Variants in LGI1 observed in about 807,000 individuals in gnomAD.
The protein encoded by LGI1 is leucine-rich glioma-inactivated protein 1.
A neutral mutation model predicts 57.7 loss-of-function variants in LGI1; 11 were observed. The ratio of observed to expected loss-of-function variants is 0.19; its 90% CI spans 0.12 to 0.32. LGI1 has a LOEUF of 0.32. Among genes scored for constraint, LGI1 ranks in the 10% least tolerant of loss-of-function variants. The pLI is 1.00. For missense variants in LGI1, 422 were observed against 661.9 expected (o/e 0.64, Z 3.98); for synonymous variants, 222 against 241.9 (o/e 0.92, Z 0.76).
Position 93,757,989 on chromosome 10 carries a change from A to G in LGI1, c.-156A>G. On this transcript the variant is annotated 5_prime_UTR_variant, in exon 1 of 8. Transcript: ENST00000371418. ...GCAGTGCATTGCTGGAGCGAGGAGA[A>G]GCTCACGAATCAGCTGCAGGTCTCT... 1 of 712,194 alleles carries G rather than the reference A, an allele frequency of 1.4e-6. No individual in the cohort carries two copies. The highest frequency in any genetic ancestry group is 2.5e-6 in the Non-Finnish European group (1 of 398,770). The allele number at this position is 712,194 out of a possible 1,614,324, so 44.1% of individuals were successfully genotyped here. A position where few individuals can be genotyped will look rare whatever the true frequency, so the allele number is the denominator to read the frequency against.
intron 2 of LGI1, chr10:93,771,725 C>T (rs2059743303): frequency 6.6e-6 from 1 of 152,042 alleles, no homozygotes; most frequent in Non-Finnish European, 1.5e-5. Context: ...GCCTGTAATC[C>T]CAGCACTTGG....
intron 4 of LGI1, among the ~76,000 whole-genome samples, chr10:93,783,362 C>T (rs1204042578): frequency 5.3e-5 from 8 of 152,012 alleles, no homozygotes; most frequent in African/African-American, 1.4e-4. Context: ...GGTGACAGAG[C>T]GAGACTCCGT....
intron 4 of LGI1, chr10:93,789,872 C>T (rs1314915865): frequency 1.4e-5 from 7 of 513,602 alleles, no homozygotes; most frequent in African/African-American, 9.7e-5. Context: ...ACTTTTGTCT[C>T]AAGAAATAAA....
At position 93,758,556 on chromosome 10, in the gene LGI1, C is replaced by G; in HGVS notation, c.215+197C>G. On this transcript the variant is annotated intron_variant, in intron 1 of 7. Transcript: ENST00000371418. This position sits in a 1 kb window ranked among gnomAD's most constrained non-coding sequence, Gnocchi z 4.7. Reference sequence around the variant, plus strand: ...CTGCTACTGAACATGCTTAGATACCCCCAGCCCTGAACATTATCATGAGAA... The same window carrying G: ...CTGCTACTGAACATGCTTAGATACCGCCAGCCCTGAACATTATCATGAGAA... 2.9e-6 allele frequency: 2 copies of G among 700,298 alleles called. No individual in the cohort carries two copies. Among genetic ancestry groups the G allele is most frequent in the East Asian group, 2.7e-5 (1 of 37,288 alleles). The allele number at this position is 700,298 out of a possible 1,614,324, so 43.4% of individuals were successfully genotyped here.
chr10:93,760,215 G>C (rs980250941), intron 2 of LGI1, among the ~76,000 whole-genome samples: 1 of 152,184 alleles, frequency 6.6e-6, no homozygotes, highest in Non-Finnish European at 1.5e-5. Flanking sequence ...ATTAGCAATT[G>C]ACTAGATATT....
chr10:93,791,430 C>T (rs1161506295), intron 5 of LGI1: 7 of 151,944 alleles, frequency 4.6e-5, no homozygotes, highest in African/African-American at 1.5e-4. Flanking sequence ...AAAGACAAAA[C>T]AAAAAAATAT....
chr10:93,778,926 G>A (rs572203878), intron 4 of LGI1: 1 of 152,240 alleles, frequency 6.6e-6, no homozygotes, highest in East Asian at 1.9e-4. Flanking sequence ...TTGTTTTGTA[G>A]CAAAGAGAAG....
chr10:93,776,916 T>C (rs1432464705), intron 2 of LGI1: 2 of 205,752 alleles, frequency 9.7e-6, no homozygotes, highest in African/African-American at 4.7e-5. Flanking sequence ...GCCTGTCTGT[T>C]ACGAGATGTC....
At chr10:93,769,328 C>T (rs2059711093) in intron 2 of LGI1, 1 of 152,182 alleles carries the variant, frequency 6.6e-6, no homozygotes, top group Non-Finnish European at 1.5e-5. Context: ...CAAATAAACC[C>T]ATGTTCACTT....
At chr10:93,759,640 T>C (rs1403747965) in intron 2 of LGI1, among the ~76,000 whole-genome samples, 1 of 152,190 alleles carries the variant, frequency 6.6e-6, no homozygotes, top group African/African-American at 2.4e-5. Context: ...GTCGCAGACT[T>C]GGTTTGTAGC....
intron 5 of LGI1, chr10:93,791,923 G>A (rs1483849405): frequency 6.6e-6 from 1 of 152,152 alleles, no homozygotes; most frequent in Non-Finnish European, 1.5e-5. Context: ...AAAGCAAATA[G>A]CTCACTTGAT....
intron 2 of LGI1, 44 bp from the exon 3 acceptor site, chr10:93,777,335 A>G (rs758661142): frequency 1.3e-6 from 2 of 1,554,932 alleles, no homozygotes; most frequent in African/African-American, 2.7e-5. Context: ...AAGATTGACA[A>G]TCTGTCAGTT....
chr10:93,782,937 G>A (rs1390305488), intron 4 of LGI1: 1 of 152,178 alleles, frequency 6.6e-6, no homozygotes, highest in Admixed American at 6.5e-5. Context: ...AGGTTTTCTT[G>A]GGTAAATGAT....
chr10:93,774,012 T>C (rs1248240553), intron 2 of LGI1, among the ~76,000 whole-genome samples: 2 of 152,164 alleles, frequency 1.3e-5, no homozygotes, highest in Non-Finnish European at 2.9e-5. Flanking sequence ...GTTGTGAGGA[T>C]AGTTGTCACT....
chr10:93,768,022 A>G (rs551221600), intron 2 of LGI1: 7 of 152,356 alleles, frequency 4.6e-5, no homozygotes, highest in East Asian at 1.9e-4. Flanking sequence ...AGGAAACTGT[A>G]TATTTAATTC....
rs759389330 is a variant in LGI1, at chr10:93,797,776, A to T, written c.1647A>T (p.Lys549Asn). The change falls in exon 8 of 8, where the codon AAA (lysine) becomes AAT (asparagine). Residue 549 changes from lysine (K) to asparagine (N), a missense_variant. Physicochemically the swap from Lys to Asn is moderately conservative, Grantham distance 94. Around this residue, in one of 3 missense-constraint regions of LGI1, gnomAD observed 301 missense variants for 461.7 expected, o/e 0.65. Transcript: ENST00000371418. This position sits in a 1 kb window ranked among gnomAD's most constrained non-coding sequence, Gnocchi z 6.5. ...SSFKGNTQIY[K>N]HVIVDLSA ...TTAAGGGAAATACACAGATTTACAA[A>T]CATGTCATAGTTGACTTAAGCGCAT... 1 of 1,603,710 alleles carries T rather than the reference A, an allele frequency of 6.2e-7. No individual in the cohort carries two copies. The highest frequency in any genetic ancestry group is 8.5e-7 in the Non-Finnish European group (1 of 1,179,896).
At chr10:93,795,052 T>C (rs896380041) in intron 7 of LGI1, among the ~76,000 whole-genome samples, 5 of 152,148 alleles carry the variant, frequency 3.3e-5, no homozygotes, top group Admixed American at 2.0e-4. Flanking sequence ...AGTTTTCCAG[T>C]GGACTATAGC....
intron 2 of LGI1, chr10:93,769,446 T>C (rs2059712392): frequency 6.6e-6 from 1 of 152,212 alleles, no homozygotes; most frequent in Admixed American, 6.5e-5. Context: ...GGACCTGAGT[T>C]TCCTTAGCAG....
intron 2 of LGI1, among the ~76,000 whole-genome samples, chr10:93,760,339 G>A (rs1347156881): frequency 2.6e-5 from 4 of 152,232 alleles, no homozygotes; most frequent in Admixed American, 2.0e-4. Context: ...AAGGGGCAGA[G>A]TCTCTAATGC....
Sources: gnomAD v4.1 joint callset for allele counts (sites outside exome capture counted in the v4.1 genomes callset) on GRCh38, gnomAD v4.1.1 for gene constraint, gnomAD v4.1.1 regional missense constraint, Gnocchi (gnomAD v3.1) non-coding constraint, MANE v1.5 for transcripts, NCBI Gene and HGNC (gene_info 2026-07-23, HGNC 2026-07-21) for gene names.